ANXA4: variants seen among roughly 807,000 people sequenced by gnomAD.
ANXA4 encodes annexin A4.
A neutral mutation model predicts 49.8 loss-of-function variants in ANXA4; 39 were observed. The ratio of observed to expected loss-of-function variants is 0.78; its 90% CI spans 0.61 to 1.02. The LOEUF (loss-of-function observed/expected upper bound fraction) is 1.02, where lower values mean the gene tolerates loss of function less well. Among genes scored for constraint, ANXA4 ranks in the 50% least tolerant of loss-of-function variants. The pLI, the probability that ANXA4 is intolerant of heterozygous loss-of-function variation, is 0.00. For missense variants in ANXA4, 360 were observed against 410.1 expected, an observed-to-expected ratio of 0.88 and a Z score of 1.05; for synonymous variants, 134 against 152.5, an observed-to-expected ratio of 0.88 and a Z score of 0.89.
chr2:69,826,418 T>A lies in ANXA4; in HGVS notation c.*903T>A, dbSNP rs2103922988. On this transcript the variant is annotated 3_prime_UTR_variant, in exon 13 of 13. Transcript: ENST00000394295. ...ACTGTGCCTTTCAACTCCAGAAACA[T>A]TCTGAAGATGTACTTGGATTTAATT... is the stretch of plus-strand genomic sequence containing the variant. 1 of 152,780 alleles carries A rather than the reference T, an allele frequency of 6.5e-6. No individual in the cohort carries two copies. The highest frequency in any genetic ancestry group is 2.1e-4 in the South Asian group (1 of 4,834). The allele number at this position is 152,780 out of a possible 1,614,324, so 9.5% of individuals were successfully genotyped here.
rs936685514 is a variant in ANXA4 at position 69,826,229 on chromosome 2, T to C, written c.*714T>C. The C allele has an allele frequency of 3.3e-5, 5 of 152,668 alleles. No individual in the cohort carries two copies. Among genetic ancestry groups the C allele is most frequent in the Non-Finnish European group, 7.3e-5 (5 of 68,032 alleles). The allele number at this position is 152,668 out of a possible 1,614,324, so 9.5% of individuals were successfully genotyped here. On this transcript the variant is annotated 3_prime_UTR_variant, in exon 13 of 13. Coordinates refer to ENST00000394295, the MANE Select transcript of ANXA4 (RefSeq NM_001153.5). ...GAACATTCCATATTATTATAGTTAA[T>C]GTCTTAATCCAGCTTGCAAGTGAAT...
intron 2 of ANXA4, among the ~76,000 whole-genome samples, chr2:69,784,940 C>T (rs1426394494): frequency 6.6e-6 from 1 of 152,210 alleles, no homozygotes; most frequent in Non-Finnish European, 1.5e-5. Context: ...CACCCTACAC[C>T]AGTATCACCT....
At chr2:69,756,878 TA>T (rs1035157485) in intron 1 of ANXA4, among the ~76,000 whole-genome samples, 1 of 150,944 alleles carries the variant, frequency 6.6e-6, no homozygotes, top group East Asian at 1.9e-4. Context: ...ATACAAGTTT[TA>T]AAAAAAGAAA....
chr2:69,664,138 A>G (rs1045701751), intron 2 of ANXA4, among the ~76,000 whole-genome samples: 1 of 152,240 alleles, frequency 6.6e-6, no homozygotes, highest in Non-Finnish European at 1.5e-5. Flanking sequence ...ACAATGGAAT[A>G]ATGTCTTTAA....
chr2:69,726,603 A>T (rs1215994769), intron 3 of ANXA4, among the ~76,000 whole-genome samples: 1 of 152,244 alleles, frequency 6.6e-6, no homozygotes, highest in African/African-American at 2.4e-5. Flanking sequence ...CAACCATGTA[A>T]TCAGTGCTTA....
intron 1 of ANXA4, among the ~76,000 whole-genome samples, chr2:69,756,360 T>C (rs1324891705): frequency 6.6e-6 from 1 of 152,250 alleles, no homozygotes; most frequent in African/African-American, 2.4e-5. Flanking sequence ...CTAGTTACTT[T>C]TTAACCTCAT....
intron 1 of ANXA4, among the ~76,000 whole-genome samples, chr2:69,757,417 C>T (rs1352769183): frequency 6.8e-6 from 1 of 146,302 alleles, no homozygotes; most frequent in Non-Finnish European, 1.5e-5. Flanking sequence ...ACTACAGGCA[C>T]CTATCACCAC....
At chr2:69,784,038 A>C (rs1672312089) in intron 2 of ANXA4, among the ~76,000 whole-genome samples, 1 of 152,176 alleles carries the variant, frequency 6.6e-6, no homozygotes, top group Non-Finnish European at 1.5e-5. Flanking sequence ...ATGTAATAAC[A>C]ATATTTCATC....
intron 1 of ANXA4, among the ~76,000 whole-genome samples, chr2:69,748,815 A>T (rs1228478008): frequency 6.6e-6 from 1 of 150,382 alleles, no homozygotes; most frequent in African/African-American, 2.5e-5. Context: ...AGCTCAGGGG[A>T]TCCTCCCATC....
At position 69,806,412 on chromosome 2, in the gene ANXA4, C is replaced by A. The variant is rs1371785539; in HGVS notation, c.220C>A (p.Leu74Met). Reference protein sequence around the residue: ...RDLIDDLKSELSGNFEQVIVG... With the variant: ...RDLIDDLKSEMSGNFEQVIVG... ...CTTGATAGACGACCTGAAGTCAGAA[C>A]TGAGTGGCAACTTCGAGCAGGTGAT... is the stretch of plus-strand genomic sequence containing the variant. The change falls in exon 5 of 13, where the codon CTG becomes ATG. Residue 74 changes from leucine to methionine, a missense_variant. By Grantham distance (15) the Leu-to-Met change is conservative. Transcript: ENST00000394295. 1.2e-6 allele frequency: 2 copies of A among 1,614,148 alleles called. No homozygotes were observed. The highest frequency in any genetic ancestry group is 1.3e-5 in the African/African-American group (1 of 75,048).
Position 69,806,509 on chromosome 2 carries a change from T to G in ANXA4, c.306+11T>G. The stretch of plus-strand genomic sequence containing the variant: ...CGAAGGGCCATGAAGGTCTGTGCTC[T>G]TCCTCTCGTGCTCTTGGTGCTGTTG... On this transcript the variant is annotated intron_variant, in intron 5 of 12. Coordinates refer to ENST00000394295, the MANE Select transcript of ANXA4 (RefSeq NM_001153.5). The G allele has an allele frequency of 6.2e-7, 1 of 1,605,510 alleles. No homozygotes were observed. Among genetic ancestry groups the G allele is most frequent in the Admixed American group, 1.7e-5 (1 of 59,992 alleles).
chr2:69,793,124 T>C (rs1237039853), intron 3 of ANXA4, among the ~76,000 whole-genome samples: 8 of 151,926 alleles, frequency 5.3e-5, no homozygotes, highest in Admixed American at 1.3e-4. Context: ...TGGTGGCGCG[T>C]GCCTGTAATC....
At chr2:69,650,863 A>T (rs889868237) in intron 1 of ANXA4, among the ~76,000 whole-genome samples, 2 of 152,208 alleles carry the variant, frequency 1.3e-5, no homozygotes, top group Admixed American at 1.3e-4. Flanking sequence ...TTAGGTAGGA[A>T]TGGTGTTTTT....
chr2:69,819,301 C>T lies in ANXA4; in HGVS notation c.746C>T (p.Ser249Phe). The change falls in exon 11 of 13, where the codon TCT becomes TTT. Residue 249 changes from serine (S) to phenylalanine (F), a missense_variant. Coordinates refer to ENST00000394295, the MANE Select transcript of ANXA4 (RefSeq NM_001153.5). ...LAIVKCMRNK[S>F]AYFAEKLYKS... Reference sequence around the variant, plus strand: ...ACAGTAAAGTGCATGAGGAACAAATCTGCATATTTTGCTGAAAAGCTCTAT... The same window carrying T: ...ACAGTAAAGTGCATGAGGAACAAATTTGCATATTTTGCTGAAAAGCTCTAT... The T allele has an allele frequency of 6.2e-7, 1 of 1,607,616 alleles. No individual in the cohort carries two copies. Among genetic ancestry groups the T allele is most frequent in the Non-Finnish European group, 8.5e-7 (1 of 1,176,396 alleles).
At chr2:69,676,426 A>T (rs568173370) in intron 2 of ANXA4, among the ~76,000 whole-genome samples, 1 of 152,326 alleles carries the variant, frequency 6.6e-6, no homozygotes, top group South Asian at 2.1e-4. Flanking sequence ...AGACAGTATA[A>T]AATGATTCAA....
At chr2:69,768,281 T>C (rs1671574236) in intron 1 of ANXA4, among the ~76,000 whole-genome samples, 2 of 152,144 alleles carry the variant, frequency 1.3e-5, no homozygotes, top group Admixed American at 1.3e-4. Context: ...TAAAATAAAG[T>C]CCCTCTGGCT....
At chr2:69,810,713 A>C (rs753141517) in intron 7 of ANXA4, 40 bp downstream of exon 7, 27 of 1,515,246 alleles carry the variant, frequency 1.8e-5, no homozygotes, top group African/African-American at 4.1e-5. Context: ...TTTTATCGAA[A>C]TGTCCACTCT....
chr2:69,680,934 T>C (rs185346205), intron 2 of ANXA4, among the ~76,000 whole-genome samples: 107 of 152,338 alleles, frequency 7.0e-4, no homozygotes, highest in African/African-American at 2.5e-3. Context: ...TTTGCATCTG[T>C]GTTCATCGGG....
chr2:69,819,148 T>C (rs977342499), intron 10 of ANXA4, 132 bp from the exon 11 acceptor site: 6 of 623,822 alleles, frequency 9.6e-6, no homozygotes. Context: ...TCATGAAACA[T>C]TGCTTGGCTA....
Sources: allele counts gnomAD v4.1 joint callset (sites outside exome capture counted in the v4.1 genomes callset), GRCh38; gene constraint gnomAD v4.1.1; transcripts MANE v1.5; gene names NCBI Gene and HGNC (gene_info 2026-07-23, HGNC 2026-07-21).